Variants in ZNF713 observed in about 807,000 individuals in gnomAD.
The protein encoded by ZNF713 is zinc finger protein 713.
In ZNF713, 21 loss-of-function variants were observed where a neutral mutation model predicts 28.7. That is an observed-to-expected ratio of 0.73 (90% CI 0.52 to 1.05). The LOEUF (loss-of-function observed/expected upper bound fraction) is 1.05. Ranked by LOEUF, ZNF713 falls within the 50% of genes least tolerant of loss-of-function variation. The pLI, the probability that ZNF713 is intolerant of heterozygous loss-of-function variation, is 0.00. For missense variants in ZNF713, 458 were observed against 532.4 expected (o/e 0.86, Z 1.37); for synonymous variants, 167 against 178.0 (o/e 0.94, Z 0.49).
intron 4 of ZNF713, 45 bp downstream of exon 4, chr7:55,912,768 A>G (rs565054397): frequency 6.6e-7 from 1 of 1,505,684 alleles, no homozygotes; most frequent in South Asian, 1.2e-5. Context: ...TGTTCTCAGA[A>G]TGTGGGCACT....
At position 55,937,226 on chromosome 7, in the gene ZNF713, CA is replaced by C. The variant is rs200374188; in HGVS notation, c.308-1754del. ...GAGGCACAAGAATCGCTTGAACCCA[CA>C]AGACAAGAGGTTGCAGGGAGCCAAG... is the stretch of plus-strand genomic sequence containing the variant. On this transcript the variant is annotated intron_variant, in intron 6 of 6. Coordinates refer to ENST00000429591, the MANE Select transcript of ZNF713 (RefSeq NM_182633.3). Among the ~76,000 whole-genome samples the C allele has an allele frequency of 5.8e-3, 875 of 152,072 alleles. 4 individuals carry two copies. Among genetic ancestry groups the C allele is most frequent in the Admixed American group, 0.013 (198 of 15,250 alleles).
intron 4 of ZNF713, among the ~76,000 whole-genome samples, chr7:55,917,538 A>C (rs1216880466): frequency 6.6e-6 from 1 of 151,642 alleles, no homozygotes. Flanking sequence ...CATCTCTACC[A>C]AAAATACAAA....
At chr7:55,934,901 T>C (rs1309980278) in intron 6 of ZNF713, among the ~76,000 whole-genome samples, 1 of 151,052 alleles carries the variant, frequency 6.6e-6, no homozygotes, top group Admixed American at 6.6e-5. Flanking sequence ...TTTTTTTTTT[T>C]TTCCTGAGAC....
At chr7:55,917,898 A>G in intron 4 of ZNF713, 1 of 345,906 alleles carries the variant, frequency 2.9e-6, no homozygotes, top group Non-Finnish European at 6.0e-6. Flanking sequence ...AGTATAACAT[A>G]TTCTGTTGGC....
intron 6 of ZNF713, among the ~76,000 whole-genome samples, chr7:55,935,806 T>A (rs893445168): frequency 8.0e-5 from 12 of 150,812 alleles, no homozygotes; most frequent in African/African-American, 2.9e-4. Context: ...ACAAAAAAAA[T>A]TAGCCGAGTG....
At chr7:55,902,307 AGT>A (rs1785594647) in intron 1 of ZNF713, among the ~76,000 whole-genome samples, 1 of 152,224 alleles carries the variant, frequency 6.6e-6, no homozygotes, top group African/African-American at 2.4e-5. Flanking sequence ...ACTAGTACAA[AGT>A]GTAATAAAAC....
At chr7:55,906,962 A>G (rs1485345758) in intron 2 of ZNF713, among the ~76,000 whole-genome samples, 6 of 152,316 alleles carry the variant, frequency 3.9e-5, no homozygotes, top group Non-Finnish European at 7.4e-5. Context: ...AGAAATTTGG[A>G]AAGACTTTTT....
intron 4 of ZNF713, among the ~76,000 whole-genome samples, chr7:55,922,650 T>G (rs929774971): frequency 2.6e-5 from 4 of 152,166 alleles, no homozygotes; most frequent in Admixed American, 1.3e-4. Context: ...TCAAAAAGAT[T>G]ACAACTTGCT....
chr7:55,896,671 A>G (rs1373985779), intron 1 of ZNF713, among the ~76,000 whole-genome samples: 1 of 151,648 alleles, frequency 6.6e-6, no homozygotes, highest in Non-Finnish European at 1.5e-5. Flanking sequence ...GTGTATATAT[A>G]TATAAATATT....
At chr7:55,937,022 G>T (rs1786364329) in intron 6 of ZNF713, among the ~76,000 whole-genome samples, 2 of 152,146 alleles carry the variant, frequency 1.3e-5, no homozygotes, top group South Asian at 4.1e-4. Context: ...GAGTGGGCTG[G>T]GTGCGGTGGC....
intron 1 of ZNF713, among the ~76,000 whole-genome samples, chr7:55,892,257 G>A (rs1248484570): frequency 2.2e-4 from 26 of 119,086 alleles, no homozygotes; most frequent in African/African-American, 8.8e-4. Context: ...CAGCCTGGGC[G>A]ACAGAGTGAG....
chr7:55,898,347 G>A (rs1785511185), intron 1 of ZNF713, among the ~76,000 whole-genome samples: 1 of 152,226 alleles, frequency 6.6e-6, no homozygotes, highest in Non-Finnish European at 1.5e-5. Flanking sequence ...GACTGTATTA[G>A]TCTGTTCTCA....
In ZNF713 at chr7:55,930,678, A is replaced by T. The variant is rs183387631; in HGVS notation, c.307+6979A>T. On this transcript the variant is annotated intron_variant, in intron 6 of 6. Coordinates refer to ENST00000429591, the MANE Select transcript of ZNF713 (RefSeq NM_182633.3). ...GGAGGCTGAGTGTTGAGCCAAGAGG[A>T]TCACTTGAGCCTAGGAGGTGGAGGT... Among the ~76,000 whole-genome samples, 108 of 152,094 alleles carry T rather than the reference A, an allele frequency of 7.1e-4. 1 individual carries two copies. Among genetic ancestry groups the T allele is most frequent in the African/African-American group, 2.4e-3 (101 of 41,504 alleles).
intron 1 of ZNF713, among the ~76,000 whole-genome samples, chr7:55,891,803 A>G (rs1253538473): frequency 6.6e-6 from 1 of 152,162 alleles, no homozygotes; most frequent in Non-Finnish European, 1.5e-5. Flanking sequence ...TGCAGGAACA[A>G]AAGTATAATG....
chr7:55,928,728 C>CATT (rs1488676193), intron 6 of ZNF713, among the ~76,000 whole-genome samples: 3 of 152,132 alleles, frequency 2.0e-5, no homozygotes, highest in Non-Finnish European at 2.9e-5. Context: ...ATATGCAATA[C>CATT]CTTCATAGGA....
chr7:55,904,214 C>T lies in ZNF713; in HGVS notation c.-582-2039C>T, dbSNP rs183669226. Among the ~76,000 whole-genome samples the T allele has an allele frequency of 3.5e-5, 4 of 114,816 alleles. 1 individual carries two copies. In the East Asian group the frequency reaches 1.3e-3, roughly 36 times the overall value. 75.3% of individuals were successfully genotyped at this position (114,816 alleles called of 152,430 possible). The stretch of plus-strand genomic sequence containing the variant: ...AGGCCTGATGGCTCACACCTGCAAT[C>T]CCAGCACCAGGCCGAGGCGGGTGGA... On this transcript the variant is annotated intron_variant, in intron 1 of 6. Coordinates refer to ENST00000429591, the MANE Select transcript of ZNF713 (RefSeq NM_182633.3).
At chr7:55,890,377 G>A (rs1471693681) in intron 1 of ZNF713, among the ~76,000 whole-genome samples, 1 of 151,298 alleles carries the variant, frequency 6.6e-6, no homozygotes, top group African/African-American at 2.4e-5. Flanking sequence ...TTGAACCCGG[G>A]AGGCAGAGGT....
At position 55,911,771 on chromosome 7, in the gene ZNF713, C is replaced by G. The variant is rs1785788971; in HGVS notation, c.-300C>G. The stretch of plus-strand genomic sequence containing the variant: ...CCCCTTCATCTCAACTCGGCATAAA[C>G]AAGGCAAGATTCTGAGAGTGGCCGC... On this transcript the variant is annotated 5_prime_UTR_variant, in exon 3 of 7. Transcript: ENST00000429591. 2 of 152,142 alleles carry G rather than the reference C, an allele frequency of 1.3e-5. No homozygotes were observed. The highest frequency in any genetic ancestry group is 2.9e-5 in the Non-Finnish European group (2 of 68,026). The allele number at this position is 152,142 out of a possible 1,614,324, so 9.4% of individuals were successfully genotyped here.
intron 1 of ZNF713, among the ~76,000 whole-genome samples, chr7:55,889,165 G>C (rs1309724410): frequency 1.3e-5 from 2 of 148,960 alleles, no homozygotes; most frequent in African/African-American, 5.0e-5. Flanking sequence ...GCAATGGTGT[G>C]ATCTCCGCTC....
Sources: gnomAD v4.1 joint callset for allele counts (sites outside exome capture counted in the v4.1 genomes callset) on GRCh38, gnomAD v4.1.1 for gene constraint, MANE v1.5 for transcripts, NCBI Gene and HGNC (gene_info 2026-07-23, HGNC 2026-07-21) for gene names.